Variants in MUS81 observed in about 807,000 individuals in gnomAD.
MUS81 encodes the protein structure-specific endonuclease subunit MUS81.
A neutral mutation model predicts 74.2 loss-of-function variants in MUS81; 69 were observed. The ratio of observed to expected loss-of-function variants is 0.93; its 90% CI spans 0.77 to 1.14. MUS81 has a LOEUF of 1.14. Ranked by LOEUF, MUS81 falls within the 50% of genes most tolerant of loss-of-function variation. The probability of loss-of-function intolerance (pLI) is 0.00; values close to 1 mark genes in which losing one functional copy is unlikely to be tolerated. For missense variants in MUS81, 711 were observed against 726.5 expected, an observed-to-expected ratio of 0.98 and a Z score of 0.25; for synonymous variants, 303 against 300.6, an observed-to-expected ratio of 1.01 and a Z score of -0.08.
At chr11:65,866,628 CCCT>C, downstream of MUS81, 3 of 703,252 alleles carry the variant, frequency 4.3e-6, no homozygotes, top group African/African-American at 3.5e-5. Context: ...CTGGAGTCCG[CCCT>C]CCTCGTTACC....
rs764496131 is a variant in MUS81 at position 65,860,516 on chromosome 11, T to A, written c.-238T>A. The A allele has an allele frequency of 1.8e-5, 11 of 595,766 alleles. No individual in the cohort carries two copies. The highest frequency in any genetic ancestry group is 3.0e-5 in the Non-Finnish European group (10 of 334,110). The allele number at this position is 595,766 out of a possible 1,614,324, so 36.9% of individuals were successfully genotyped here. On this transcript the variant is annotated 5_prime_UTR_variant, in exon 1 of 16. Transcript: ENST00000308110. ...GCTGGAGTGGAGCCAAGGGAAAAGA[T>A]CGTTAGAGACAGCGCCCCTGACCAA... is the stretch of plus-strand genomic sequence containing the variant.
chr11:65,867,136 C>T, downstream of MUS81: 1 of 1,606,310 alleles, frequency 6.2e-7, no homozygotes, highest in Admixed American at 1.7e-5. Flanking sequence ...TGCTAGGCCC[C>T]TGCCCCAGCG....
At chr11:65,866,961 G>T (rs535211927), downstream of MUS81, 47 of 1,614,178 alleles carry the variant, frequency 2.9e-5, no homozygotes, top group East Asian at 1.0e-3. Context: ...CCTCAGTACA[G>T]AGCTGGCCCG....
chr11:65,864,457 C>A, intron 10 of MUS81, 40 bp from the exon 11 acceptor site: 1 of 1,561,978 alleles, frequency 6.4e-7, no homozygotes, highest in Non-Finnish European at 8.8e-7. Flanking sequence ...ATGTGGTCAT[C>A]CAGCCTGACC....
At chr11:65,862,960 A>C in intron 6 of MUS81, 105 bp from the exon 7 acceptor site, 8 of 1,428,410 alleles carry the variant, frequency 5.6e-6, no homozygotes, top group Non-Finnish European at 7.8e-6. Flanking sequence ...TCATTTGTGC[A>C]GGGCGCCAAG....
At chr11:65,861,181 T>A in intron 2 of MUS81, 79 bp downstream of exon 2, 1 of 1,599,718 alleles carries the variant, frequency 6.3e-7, no homozygotes, top group South Asian at 1.1e-5. Flanking sequence ...AGCCCTTGGC[T>A]TTTAAGCTCC....
downstream of MUS81, chr11:65,867,481 G>A (rs921595356): frequency 4.2e-5 from 18 of 426,436 alleles, no homozygotes; most frequent in East Asian, 6.5e-4. Context: ...CCATGCATGC[G>A]GCTGCCAGTC....
Position 65,862,225 on chromosome 11 carries a change from C to T in MUS81, c.465C>T (p.His155=). 6.2e-7 allele frequency: 1 copy of T among 1,607,908 alleles called. No homozygotes were observed. The highest frequency in any genetic ancestry group is 1.3e-5 in the African/African-American group (1 of 74,984). Residue 155 remains histidine (H), a synonymous_variant, in exon 5 of 16, where the codon CAC becomes CAT. Transcript: ENST00000308110. ...CTTGGTTTCAGAATCCTAATGGTCA[C>T]CACTTCTTAACCAAGGAGGAGCTGC... ...LYREHLNPNG[H]HFLTKEELLQ...
chr11:65,866,550 G>A (rs1406620767), downstream of MUS81: 7 of 702,682 alleles, frequency 1.0e-5, no homozygotes, highest in Non-Finnish European at 1.8e-5. Context: ...GGGCCTCCTG[G>A]CGCTGTCCAG....
chr11:65,867,071 G>C (rs1186333803), downstream of MUS81: 1 of 1,614,112 alleles, frequency 6.2e-7, no homozygotes, highest in East Asian at 2.2e-5. Flanking sequence ...CGCTGACGTT[G>C]TTGATTTGCT....
At chr11:65,863,527 G>T in intron 8 of MUS81, 25 bp downstream of exon 8, 1 of 1,614,146 alleles carries the variant, frequency 6.2e-7, no homozygotes, top group Non-Finnish European at 8.5e-7. Context: ...GAGAAACGAG[G>T]GAGATGATCA....
At chr11:65,866,944 C>T (rs774228818), downstream of MUS81, 61 of 1,614,070 alleles carry the variant, frequency 3.8e-5, no homozygotes, top group South Asian at 7.7e-5. Flanking sequence ...CCTACAAAGA[C>T]GGTGAGCCTC....
In MUS81 at chr11:65,861,440, G is replaced by A; in HGVS notation, c.351+5G>A. 1 of 1,594,440 alleles carries A rather than the reference G, an allele frequency of 6.3e-7. No homozygotes were observed. The highest frequency in any genetic ancestry group is 1.7e-4 in the Middle Eastern group (1 of 5,810). On this transcript the variant is annotated splice_donor_5th_base_variant and intron_variant, in intron 3 of 15. Coordinates refer to ENST00000308110, the MANE Select transcript of MUS81 (RefSeq NM_025128.5). ...GTCCAGGACTCTTCCATGCCAGTGA[G>A]GAAGGGGCAAGGGGAGTGGAAGGCA...
chr11:65,865,895 G>A lies in MUS81; in HGVS notation c.1589+1G>A, dbSNP rs1859812680. On this transcript the variant is annotated splice_donor_variant, in intron 15 of 15. Transcript: ENST00000308110. LOFTEE classifies it high-confidence loss of function. ...CCATTAAGTGTGGGCGTCTACAGAG[G>A]TGAGGGCAAGAGACGGAACCTGGAG... 3 of 1,614,178 alleles carry A rather than the reference G, an allele frequency of 1.9e-6. No homozygotes were observed. The highest frequency in any genetic ancestry group is 1.7e-6 in the Non-Finnish European group (2 of 1,180,022).
chr11:65,862,465 C>T lies in MUS81; in HGVS notation c.541C>T (p.Pro181Ser), dbSNP rs564497212. Reference protein sequence around the residue: ...SPRVAPGSARPWPALRSLLHR... With the variant: ...SPRVAPGSARSWPALRSLLHR... ...ACAGGTAGCCCCTGGGAGTGCTCGA[C>T]CCTGGCCAGCCCTCCGCTCCCTCCT... is the stretch of plus-strand genomic sequence containing the variant. Residue 181 changes from proline to serine, a missense_variant, in exon 6 of 16, where the codon CCC becomes TCC. Pro to Ser is a moderately conservative substitution (Grantham distance 74). Transcript: ENST00000308110. The T allele has an allele frequency of 1.2e-6, 2 of 1,613,810 alleles. No individual in the cohort carries two copies. Among genetic ancestry groups the T allele is most frequent in the African/African-American group, 1.3e-5 (1 of 75,032 alleles).
chr11:65,865,793 C>G lies in MUS81; in HGVS notation c.1506-18C>G, dbSNP rs1175575065. The G allele has an allele frequency of 1.9e-6, 3 of 1,612,766 alleles. No homozygotes were observed. Among genetic ancestry groups the G allele is most frequent in the South Asian group, 2.2e-5 (2 of 90,988 alleles). ...TGGGCCACTGTCAGCCTCAGAAACT[C>G]AAACCCCTGCCCCCCAGCCTCCTGG... On this transcript the variant is annotated intron_variant, in intron 14 of 15. Transcript: ENST00000308110.
At chr11:65,862,569 ACTT>A in intron 6 of MUS81, 40 bp downstream of exon 6, 1 of 1,579,374 alleles carries the variant, frequency 6.3e-7, no homozygotes, top group Non-Finnish European at 8.7e-7. Flanking sequence ...GCATGAGTGA[ACTT>A]CTTAGTAGGG....
intron 5 of MUS81, 74 bp downstream of exon 5, chr11:65,862,353 G>T: frequency 1.3e-6 from 2 of 1,589,774 alleles, no homozygotes; most frequent in Non-Finnish European, 1.7e-6. Context: ...TCTTGCAGTG[G>T]GCCCATGTGT....
chr11:65,863,592 C>T lies in MUS81; in HGVS notation c.840-8C>T. ...CTCTGATCTAGGCTTCCCTCCTTGC[C>T]ACTCCAGGGGCGGGCACAGGCCGGA... On this transcript the variant is annotated splice_polypyrimidine_tract_variant and splice_region_variant and intron_variant, in intron 8 of 15. Transcript: ENST00000308110. The T allele has an allele frequency of 6.2e-7, 1 of 1,614,036 alleles. No individual in the cohort carries two copies.
Sources: allele counts gnomAD v4.1 joint callset, GRCh38; gene constraint gnomAD v4.1.1; transcripts MANE v1.5; gene names NCBI Gene and HGNC (gene_info 2026-07-23, HGNC 2026-07-21).